Variants in BAP1 observed in about 807,000 individuals in gnomAD.
BAP1 encodes the protein BRCA1 associated deubiquitinase 1, also known as ubiquitin carboxyl-terminal hydrolase BAP1.
A neutral mutation model predicts 77.2 loss-of-function variants in BAP1; 16 were observed. The observed-to-expected ratio is 0.21, with a 90% CI of 0.14 to 0.31. The LOEUF (loss-of-function observed/expected upper bound fraction) is 0.31. BAP1 is among the 10% of genes least tolerant of loss of function. The pLI, the probability that BAP1 is intolerant of heterozygous loss-of-function variation, is 1.00. For missense variants in BAP1, 699 were observed against 967.3 expected (o/e 0.72, Z 3.68); for synonymous variants, 362 against 385.2 (o/e 0.94, Z 0.71).
rs1578225974 is a variant in BAP1 at position 52,406,911 on chromosome 3, G to A, written c.581-4C>T. 1.5e-5 allele frequency: 24 copies of A among 1,570,476 alleles called. No individual in the cohort carries two copies. The highest frequency in any genetic ancestry group is 2.1e-5 in the Non-Finnish European group (24 of 1,156,922). On this transcript the variant is annotated splice_region_variant and splice_polypyrimidine_tract_variant and intron_variant, in intron 7 of 16. Transcript: ENST00000460680. This position sits in a 1 kb window ranked among gnomAD's most constrained non-coding sequence, Gnocchi z 4.6. ...TCCTCGTCCTCCCCCCAGGGCCCTA[G>A]TGGAGACCAAGACAAGGAATCAGCG...
rs1705165283 is a variant in BAP1 at position 52,406,519 on chromosome 3, C to A, written c.660-143G>T. 1 of 1,291,676 alleles carries A rather than the reference C, an allele frequency of 7.7e-7. No homozygotes were observed. Among genetic ancestry groups the A allele is most frequent in the African/African-American group, 1.5e-5 (1 of 68,474 alleles). 80.0% of individuals were successfully genotyped at this position (1,291,676 alleles called of 1,614,324 possible). A position where few individuals can be genotyped will look rare whatever the true frequency, so the allele number is the denominator to read the frequency against. ...ACCCCAACAGGCAGGCAGCGACTAG[C>A]CATACATGCCAGGCACCTGAGCTGG... On this transcript the variant is annotated intron_variant, in intron 8 of 16. Coordinates refer to ENST00000460680, the MANE Select transcript of BAP1 (RefSeq NM_004656.4). The surrounding 1 kb of genome is among the most constrained non-coding windows in gnomAD (Gnocchi z 4.6).
In BAP1 at chr3:52,401,290, C is replaced by T. The variant is rs1418430233; in HGVS notation, c.*998G>A. ...GAACACAGGGGCTCCAACGGGTTGT[C>T]TTGATCCTGCTGTCCCCCACCCTGA... On this transcript the variant is annotated 3_prime_UTR_variant, in exon 17 of 17. Transcript: ENST00000460680. 1 of 233,340 alleles carries T rather than the reference C, an allele frequency of 4.3e-6. No individual in the cohort carries two copies. Among genetic ancestry groups the T allele is most frequent in the Non-Finnish European group, 8.5e-6 (1 of 117,996 alleles). The allele number at this position is 233,340 out of a possible 1,614,324, so 14.5% of individuals were successfully genotyped here.
At chr3:52,404,669 A>C in intron 11 of BAP1, 83 bp from the exon 12 acceptor site, 1 of 1,546,386 alleles carries the variant, frequency 6.5e-7, no homozygotes, top group Non-Finnish European at 8.7e-7. Context: ...AGAGAAAGCC[A>C]ACATGGTTTT....
In BAP1 at chr3:52,406,968, A is replaced by G. The variant is rs1228700125; in HGVS notation, c.581-61T>C. The G allele has an allele frequency of 8.5e-6, 13 of 1,531,642 alleles. No homozygotes were observed. The highest frequency in any genetic ancestry group is 1.1e-5 in the Non-Finnish European group (12 of 1,127,724). 94.9% of individuals were successfully genotyped at this position (1,531,642 alleles called of 1,614,324 possible). On this transcript the variant is annotated intron_variant, in intron 7 of 16. Transcript: ENST00000460680. The surrounding 1 kb of genome is among the most constrained non-coding windows in gnomAD (Gnocchi z 4.6). ...AAACCCTGAGTTTGGGCAGGCCAGGAGTGGGAAGGAAGACAGAGAAGAGCA... is the reference window on the plus strand; with the variant it reads ...AAACCCTGAGTTTGGGCAGGCCAGGGGTGGGAAGGAAGACAGAGAAGAGCA...
intron 5 of BAP1, 103 bp from the exon 6 acceptor site, chr3:52,407,563 T>A (rs1705207490): frequency 2.0e-6 from 3 of 1,508,936 alleles, no homozygotes; most frequent in Non-Finnish European, 2.8e-6. Flanking sequence ...ATTCCAGGAA[T>A]CGGAAGGAAC....
At chr3:52,407,060 G>A (rs1705187606) in intron 7 of BAP1, 114 bp downstream of exon 7, 1 of 1,552,020 alleles carries the variant, frequency 6.4e-7, no homozygotes, top group African/African-American at 1.4e-5. Context: ...CCAGAGCCGG[G>A]TGTCGGTACC....
At position 52,409,926 on chromosome 3, in the gene BAP1, C is replaced by T. The variant is rs1705322975; in HGVS notation, c.-48G>A. 6.3e-7 allele frequency: 1 copy of T among 1,595,860 alleles called. No homozygotes were observed. The highest frequency in any genetic ancestry group is 1.1e-5 in the South Asian group (1 of 90,340). On this transcript the variant is annotated 5_prime_UTR_variant, in exon 1 of 17. Coordinates refer to ENST00000460680, the MANE Select transcript of BAP1 (RefSeq NM_004656.4). ...GCGCCATGTCCAGGCCCTCCCTCCC[C>T]ACCGCTGCCCCCACCGGGAGCCCCC...
At chr3:52,409,163 T>C (rs572035746) in intron 3 of BAP1, among the ~76,000 whole-genome samples, 110 of 152,340 alleles carry the variant, frequency 7.2e-4, no homozygotes, top group African/African-American at 2.5e-3. Flanking sequence ...AGGAGGGGCC[T>C]TGTCACCCCA....
rs764748646 is a variant in BAP1, at chr3:52,403,595, G to A, written c.1550C>T (p.Thr517Met). ...GGAGGTGACAGGGCTGGAGGGCCGC[G>A]TCGGGTTGGCTGAGCGGATAGGCGA... Reference protein sequence around the residue: ...LRSPIRSANPTRPSSPVTSHI... With the variant: ...LRSPIRSANPMRPSSPVTSHI... Residue 517 changes from threonine (T) to methionine (M), a missense_variant, in exon 13 of 17, where the codon ACG (threonine) becomes ATG (methionine). By Grantham distance (81) the Thr-to-Met change is moderately conservative. This residue lies in a region of BAP1 where 475 missense variants were observed against 532.4 expected (regional missense o/e 0.89). Coordinates refer to ENST00000460680, the MANE Select transcript of BAP1 (RefSeq NM_004656.4). The surrounding 1 kb of genome is among the most constrained non-coding windows in gnomAD (Gnocchi z 4.0). 6.8e-6 allele frequency: 11 copies of A among 1,614,088 alleles called. No homozygotes were observed. The highest frequency in any genetic ancestry group is 3.3e-5 in the South Asian group (3 of 91,088).
rs866182083 is a variant in BAP1 at position 52,403,850 on chromosome 3, G to C, written c.1295C>G (p.Ser432Cys). The C allele has an allele frequency of 6.2e-7, 1 of 1,614,104 alleles. No homozygotes were observed. Among genetic ancestry groups the C allele is most frequent in the Non-Finnish European group, 8.5e-7 (1 of 1,180,022 alleles). The change falls in exon 13 of 17, where the codon TCT (serine) becomes TGT (cysteine). Residue 432 changes from serine (S) to cysteine (C), a missense_variant. By Grantham distance (112) the Ser-to-Cys change is moderately radical. Transcript: ENST00000460680. This position sits in a 1 kb window ranked among gnomAD's most constrained non-coding sequence, Gnocchi z 4.0. The part of the protein sequence containing the change: ...GTGKPGALSG[S>C]ADGQLSVLQP... ...CAGCACTGACAGTTGCCCATCAGCA[G>C]AACCGCTCAATGCCCCTGGCTTCCC...
In BAP1 at chr3:52,406,326, C is replaced by T. The variant is rs751298953; in HGVS notation, c.710G>A (p.Arg237His). The T allele has an allele frequency of 2.5e-6, 4 of 1,614,174 alleles. No individual in the cohort carries two copies. Among genetic ancestry groups the T allele is most frequent in the Middle Eastern group, 1.6e-4 (1 of 6,062 alleles). Residue 237 changes from arginine to histidine, a missense_variant, in exon 9 of 17, where the codon CGC becomes CAC. This residue lies in a region of BAP1 where 475 missense variants were observed against 532.4 expected (regional missense o/e 0.89). Transcript: ENST00000460680. The surrounding 1 kb of genome is among the most constrained non-coding windows in gnomAD (Gnocchi z 4.6). ...CAGCCTGGCCTCATACTTGATCCTG[C>T]GGTCGGGCACCACTGCCATCAGGTT... ...RFNLMAVVPD[R>H]RIKYEARLHV... is the part of the protein sequence containing the mutation.
chr3:52,404,497 C>G lies in BAP1; in HGVS notation c.1206G>C (p.Glu402Asp), dbSNP rs1284025796. ...QQYSDDEDDY[E>D]DDEEDDVQNT... ...TCTGCACGTCATCCTCCTCGTCATCCTCATAGTCATCCTCATCATCTGAGT... is the reference window on the plus strand; with the variant it reads ...TCTGCACGTCATCCTCCTCGTCATCGTCATAGTCATCCTCATCATCTGAGT... The change falls in exon 12 of 17, where the codon GAG becomes GAC. Residue 402 changes from glutamate (E) to aspartate (D), a missense_variant. Around this residue, in one of 3 missense-constraint regions of BAP1, gnomAD observed 475 missense variants for 532.4 expected, o/e 0.89. Transcript: ENST00000460680. The G allele has an allele frequency of 6.2e-7, 1 of 1,614,138 alleles. No individual in the cohort carries two copies. Among genetic ancestry groups the G allele is most frequent in the East Asian group, 2.2e-5 (1 of 44,886 alleles).
chr3:52,404,399 C>A, intron 12 of BAP1, 54 bp downstream of exon 12: 1 of 1,613,486 alleles, frequency 6.2e-7, no homozygotes, highest in African/African-American at 1.3e-5. Flanking sequence ...CTGAGATATT[C>A]AGGATGGGAT....
chr3:52,408,024 G>C lies in BAP1; in HGVS notation c.309C>G (p.Cys103Trp), dbSNP rs1379702681. 6.2e-7 allele frequency: 1 copy of C among 1,613,728 alleles called. No individual in the cohort carries two copies. Among genetic ancestry groups the C allele is most frequent in the East Asian group, 2.2e-5 (1 of 44,882 alleles). Reference protein sequence around the residue: ...THALLSVLLNCSSVDLGPTLS... With the variant: ...THALLSVLLNWSSVDLGPTLS... Reference sequence around the variant, plus strand: ...GGGTGGGTCCCAGGTCCACGCTGCTGCAGTTCAGGAGCACGCTCAGCAAGG... The same window carrying C: ...GGGTGGGTCCCAGGTCCACGCTGCTCCAGTTCAGGAGCACGCTCAGCAAGG... The change falls in exon 5 of 17, where the codon TGC (cysteine) becomes TGG (tryptophan). Residue 103 changes from cysteine to tryptophan, a missense_variant. Transcript: ENST00000460680.
chr3:52,403,115 A>G lies in BAP1; in HGVS notation c.1890+23T>C. 6.2e-7 allele frequency: 1 copy of G among 1,611,138 alleles called. No homozygotes were observed. The highest frequency in any genetic ancestry group is 1.3e-5 in the African/African-American group (1 of 75,038). On this transcript the variant is annotated intron_variant, in intron 14 of 16. Coordinates refer to ENST00000460680, the MANE Select transcript of BAP1 (RefSeq NM_004656.4). This position sits in a 1 kb window ranked among gnomAD's most constrained non-coding sequence, Gnocchi z 4.0. ...CCTTACCCTCTGCCAGGATTAAAGGAGAAAACCACAACGGAGGCTCACCTT... is the reference window on the plus strand; with the variant it reads ...CCTTACCCTCTGCCAGGATTAAAGGGGAAAACCACAACGGAGGCTCACCTT...
rs1395636351 is a variant in BAP1 at position 52,403,065 on chromosome 3, G to C, written c.1890+73C>G. 29 of 1,601,632 alleles carry C rather than the reference G, an allele frequency of 1.8e-5. No homozygotes were observed. In the Admixed American group the frequency reaches 4.8e-4, roughly 27 times the overall value. On this transcript the variant is annotated intron_variant, in intron 14 of 16. Coordinates refer to ENST00000460680, the MANE Select transcript of BAP1 (RefSeq NM_004656.4). The surrounding 1 kb of genome is among the most constrained non-coding windows in gnomAD (Gnocchi z 4.0). ...ACACCAAAGTTCCAATCAAGAACTT[G>C]GCACCTGGGCAGGAGGAGCTCAGGC...
intron 5 of BAP1, among the ~76,000 whole-genome samples, 162 bp downstream of exon 5, chr3:52,407,796 T>C (rs1446124269): frequency 6.6e-6 from 1 of 152,208 alleles, no homozygotes; most frequent in Non-Finnish European, 1.5e-5. Context: ...CTAAAAACAA[T>C]GGCCTTACAC....
Position 52,404,460 on chromosome 3 carries a change from C to G in BAP1, c.1243G>C (p.Ala415Pro), listed in dbSNP as rs773097896. ...EEDDVQNTNS[A>P]LRYKGKGTGK... ...TTAGAAAGCTGGGCTGACCTAAGGG[C>G]AGAGTTGGTGTTCTGCACGTCATCC... Residue 415 changes from alanine to proline, a missense_variant, in exon 12 of 17, where the codon GCC becomes CCC. By Grantham distance (27) the Ala-to-Pro change is conservative. Coordinates refer to ENST00000460680, the MANE Select transcript of BAP1 (RefSeq NM_004656.4). The G allele has an allele frequency of 1.9e-6, 3 of 1,614,128 alleles. No individual in the cohort carries two copies. The highest frequency in any genetic ancestry group is 2.5e-6 in the Non-Finnish European group (3 of 1,180,062).
In BAP1 at chr3:52,402,205, G is replaced by C; in HGVS notation, c.*83C>G. ...CCAGCTGGGACTATTCAGTAATACT[G>C]GGAAAAGGGGAAGTGGGGCAGGGAA... On this transcript the variant is annotated 3_prime_UTR_variant, in exon 17 of 17. Transcript: ENST00000460680. This position sits in a 1 kb window ranked among gnomAD's most constrained non-coding sequence, Gnocchi z 5.3. 6.5e-7 allele frequency: 1 copy of C among 1,546,892 alleles called. No individual in the cohort carries two copies.
Sources: gnomAD v4.1 joint callset for allele counts (sites outside exome capture counted in the v4.1 genomes callset) on GRCh38, gnomAD v4.1.1 for gene constraint, gnomAD v4.1.1 regional missense constraint, Gnocchi (gnomAD v3.1) non-coding constraint, MANE v1.5 for transcripts, NCBI Gene and HGNC (gene_info 2026-07-23, HGNC 2026-07-21) for gene names.